Variants in NOX3 observed in about 807,000 individuals in gnomAD.
NOX3 encodes the protein NADPH oxidase catalytic subunit-like 3.
In NOX3, 74 loss-of-function variants were observed where a neutral mutation model predicts 76.7. That is an observed-to-expected ratio of 0.96 (90% confidence interval 0.80 to 1.17). The LOEUF is 1.17. Among genes scored for constraint, NOX3 ranks in the 50% most tolerant of loss-of-function variants. The probability of loss-of-function intolerance (pLI) is 0.00; values close to 1 mark genes in which losing one functional copy is unlikely to be tolerated. For missense variants in NOX3, 695 were observed against 703.3 expected, an observed-to-expected ratio of 0.99 and a Z score of 0.13; for synonymous variants, 263 against 261.1, an observed-to-expected ratio of 1.01 and a Z score of -0.07.
At chr6:155,432,655 T>C (rs1776849723) in intron 7 of NOX3, among the ~76,000 whole-genome samples, 1 of 152,204 alleles carries the variant, frequency 6.6e-6, no homozygotes, top group South Asian at 2.1e-4. Flanking sequence ...CAACCCTCTC[T>C]GCTTTTTTTC....
At chr6:155,405,943 A>G (rs1217404182) in intron 12 of NOX3, among the ~76,000 whole-genome samples, 1 of 152,160 alleles carries the variant, frequency 6.6e-6, no homozygotes, top group Admixed American at 6.5e-5. Context: ...AATGACTCGC[A>G]GCTGTCTTTG....
At chr6:155,406,905 G>T (rs1269907301) in intron 12 of NOX3, among the ~76,000 whole-genome samples, 2 of 152,212 alleles carry the variant, frequency 1.3e-5, no homozygotes, top group Non-Finnish European at 2.9e-5. Flanking sequence ...TTTAAATGGA[G>T]GTTAAGTGTG....
At chr6:155,404,515 A>C (rs1410554299) in intron 12 of NOX3, among the ~76,000 whole-genome samples, 1 of 152,228 alleles carries the variant, frequency 6.6e-6, no homozygotes, top group Non-Finnish European at 1.5e-5. Flanking sequence ...AAAGTCTCCA[A>C]GGCCACTGCC....
intron 4 of NOX3, among the ~76,000 whole-genome samples, chr6:155,451,509 T>G (rs948735341): frequency 1.5e-4 from 23 of 152,376 alleles, no homozygotes; most frequent in African/African-American, 4.6e-4. Context: ...TATACGTTTC[T>G]AATGCATTGG....
In NOX3 at chr6:155,443,324, C is replaced by T; in HGVS notation, c.435G>A (p.Leu145=). The T allele has an allele frequency of 1.2e-6, 2 of 1,614,110 alleles. No individual in the cohort carries two copies. Among genetic ancestry groups the T allele is most frequent in the Non-Finnish European group, 1.7e-6 (2 of 1,179,994 alleles). Residue 145 remains leucine (L), a synonymous_variant, in exon 5 of 14, where the codon CTG becomes CTA. Transcript: ENST00000159060. ...GGTAGCTCTCGTTAGGGGTGTTGCC[C>T]AGCTTGGAAAGTGCGGCCAGAAGTC... The part of the protein sequence containing the change: ...AQGLLAALSK[L]GNTPNESYLN...
chr6:155,419,337 A>G (rs1776659923), intron 10 of NOX3, among the ~76,000 whole-genome samples: 1 of 152,202 alleles, frequency 6.6e-6, no homozygotes, highest in Non-Finnish European at 1.5e-5. Context: ...CCATGAAAGA[A>G]CTTTGAAGCA....
intron 9 of NOX3, among the ~76,000 whole-genome samples, chr6:155,423,781 A>G (rs2114690512): frequency 7.3e-6 from 1 of 137,424 alleles, no homozygotes; most frequent in East Asian, 2.1e-4. Flanking sequence ...TTGCTCTGTC[A>G]CCAGGCTGGA....
At chr6:155,420,026 GTA>G (rs148657468) in intron 10 of NOX3, among the ~76,000 whole-genome samples, 2 of 150,950 alleles carry the variant, frequency 1.3e-5, no homozygotes, top group Non-Finnish European at 1.5e-5. Context: ...TGTTGTATGT[GTA>G]TATATATATA....
intron 7 of NOX3, 36 bp downstream of exon 7, chr6:155,436,382 A>T: frequency 6.2e-7 from 1 of 1,612,380 alleles, no homozygotes; most frequent in Non-Finnish European, 8.5e-7. Flanking sequence ...AACTGTGGTG[A>T]CATTTATTTT....
chr6:155,409,989 G>C (rs994643841), intron 11 of NOX3, among the ~76,000 whole-genome samples: 15 of 152,116 alleles, frequency 9.9e-5, no homozygotes, highest in African/African-American at 3.6e-4. Flanking sequence ...TAGAGTAGAA[G>C]AGCAGGCACA....
At chr6:155,399,730 C>T (rs1007147917) in intron 12 of NOX3, among the ~76,000 whole-genome samples, 7 of 147,836 alleles carry the variant, frequency 4.7e-5, no homozygotes, top group South Asian at 4.3e-4. Context: ...GGCAGCTTCC[C>T]TTTTTTTTTT....
chr6:155,436,609 A>T (rs1776908056), intron 6 of NOX3, 62 bp from the exon 7 acceptor site: 2 of 1,585,134 alleles, frequency 1.3e-6, no homozygotes, highest in Non-Finnish European at 1.7e-6. Context: ...GATTTTGAGC[A>T]GTCTTGTTCT....
chr6:155,418,322 T>C (rs1427246546), intron 10 of NOX3, among the ~76,000 whole-genome samples: 1 of 152,174 alleles, frequency 6.6e-6, no homozygotes, highest in African/African-American at 2.4e-5. Flanking sequence ...AGGGCATTTT[T>C]CACCCCCAGC....
At position 155,411,623 on chromosome 6, in the gene NOX3, A is replaced by G. The variant is rs149089320; in HGVS notation, c.1309-263T>C. 2.1e-3 allele frequency among the ~76,000 whole-genome samples: 318 copies of G among 152,300 alleles called. 3 individuals carry two copies. Among genetic ancestry groups the G allele is most frequent in the African/African-American group, 7.0e-3 (289 of 41,560 alleles). ...TGCCAGTTTCTCTGGATGAGGATCA[A>G]CTCACCACATTTCTGGCTGTGCTGC... On this transcript the variant is annotated intron_variant, in intron 10 of 13. Transcript: ENST00000159060.
At chr6:155,400,953 T>C (rs1779217306) in intron 12 of NOX3, among the ~76,000 whole-genome samples, 1 of 152,126 alleles carries the variant, frequency 6.6e-6, no homozygotes, top group Non-Finnish European at 1.5e-5. Context: ...TTGAGAAGCT[T>C]ATGGTCAAAT....
At chr6:155,403,280 C>G (rs1485518054) in intron 12 of NOX3, among the ~76,000 whole-genome samples, 1 of 152,104 alleles carries the variant, frequency 6.6e-6, no homozygotes, top group Non-Finnish European at 1.5e-5. Flanking sequence ...ATTTTAAAAG[C>G]CTTTTGAAAG....
chr6:155,413,425 C>A (rs1776580252), intron 10 of NOX3, among the ~76,000 whole-genome samples: 1 of 151,694 alleles, frequency 6.6e-6, no homozygotes, highest in Non-Finnish European at 1.5e-5. Context: ...CAGGAAAGCA[C>A]AGGGAGTTGG....
chr6:155,409,247 G>T (rs112882645), intron 11 of NOX3, among the ~76,000 whole-genome samples: 28 of 152,246 alleles, frequency 1.8e-4, no homozygotes, highest in African/African-American at 6.3e-4. Context: ...TAAGTGACAC[G>T]CCAGGTGTGG....
chr6:155,399,942 T>C (rs1650844048), intron 12 of NOX3, among the ~76,000 whole-genome samples: 1 of 152,148 alleles, frequency 6.6e-6, no homozygotes, highest in South Asian at 2.1e-4. Flanking sequence ...GGGAGCTGGA[T>C]CGGGGACAAT....
Sources: allele counts gnomAD v4.1 joint callset (sites outside exome capture counted in the v4.1 genomes callset), GRCh38; gene constraint gnomAD v4.1.1; transcripts MANE v1.5; gene names NCBI Gene and HGNC (gene_info 2026-07-23, HGNC 2026-07-21).